The following EBF3 variants were observed in gnomAD, a reference collection of about 807,000 sequenced individuals.
EBF3 encodes the protein EBF transcription factor 3, also known as transcription factor COE3.
A neutral mutation model predicts 77.1 loss-of-function variants in EBF3; 18 were observed. The ratio of observed to expected loss-of-function variants is 0.23; its 90% CI spans 0.16 to 0.35. The LOEUF (loss-of-function observed/expected upper bound fraction) is 0.35. Among genes scored for constraint, EBF3 ranks in the 10% least tolerant of loss-of-function variants. EBF3 has a pLI of 1.00. For synonymous variants in EBF3, 350 were observed against 343.5 expected (o/e 1.02, Z -0.21); for missense variants, 558 against 860.0 (o/e 0.65, Z 4.39).
intron 6 of EBF3, among the ~76,000 whole-genome samples, chr10:129,909,784 C>T (rs1388192252): frequency 6.6e-6 from 1 of 152,248 alleles, no homozygotes; most frequent in African/African-American, 2.4e-5. Flanking sequence ...CCCCCCAGAA[C>T]AGCAGCGCCC....
rs1186234663 is a variant in EBF3 at position 129,879,398 on chromosome 10, G to A, written c.555-1549C>T. ...ATTAATTTTTGATGAAGTTTCACATGATTTTCTTACGTTCAAGGTTCCTCG... is the reference window on the plus strand; with the variant it reads ...ATTAATTTTTGATGAAGTTTCACATAATTTTCTTACGTTCAAGGTTCCTCG... On this transcript the variant is annotated intron_variant, in intron 6 of 16. Transcript: ENST00000440978. The surrounding 1 kb of genome is among the most constrained non-coding windows in gnomAD (Gnocchi z 4.7). Among the ~76,000 whole-genome samples the A allele has an allele frequency of 1.3e-5, 2 of 152,156 alleles. No homozygotes were observed. Among genetic ancestry groups the A allele is most frequent in the Non-Finnish European group, 2.9e-5 (2 of 68,034 alleles).
chr10:129,948,477 T>C (rs1367726720), intron 6 of EBF3, among the ~76,000 whole-genome samples: 1 of 152,066 alleles, frequency 6.6e-6, no homozygotes, highest in African/African-American at 2.4e-5. Context: ...CGTGCCACGA[T>C]GCGTTTGCCA....
chr10:129,949,404 G>C (rs1858489913), intron 6 of EBF3, among the ~76,000 whole-genome samples: 1 of 152,234 alleles, frequency 6.6e-6, no homozygotes, highest in South Asian at 2.1e-4. Flanking sequence ...CCAGGCTCCA[G>C]TGCCAAGAAG....
At chr10:129,851,587 T>C (rs954131619) in intron 10 of EBF3, among the ~76,000 whole-genome samples, 3 of 152,226 alleles carry the variant, frequency 2.0e-5, no homozygotes, top group Non-Finnish European at 4.4e-5. Context: ...CCCAACTTTC[T>C]GCATGGAATT....
At chr10:129,884,915 C>T (rs943304720) in intron 6 of EBF3, among the ~76,000 whole-genome samples, 6 of 152,256 alleles carry the variant, frequency 3.9e-5, no homozygotes, top group African/African-American at 9.6e-5. Context: ...GTAACCACAC[C>T]GCATTAACAA....
chr10:129,837,986 T>G, intron 16 of EBF3, 26 bp from the exon 17 acceptor site: 1 of 1,613,876 alleles, frequency 6.2e-7, no homozygotes, highest in African/African-American at 1.3e-5. Context: ...ACAGAGCAGT[T>G]ACTGCAGGCT....
rs572580965 is a variant in EBF3 at position 129,869,633 on chromosome 10, G to A, written c.782-1721C>T. Among the ~76,000 whole-genome samples the A allele has an allele frequency of 2.0e-4, 31 of 152,318 alleles. No individual in the cohort carries two copies. In the South Asian group the frequency reaches 5.2e-3, roughly 25 times the overall value. ...GTTTCCCTGACAGGTCAGAGGCAGC[G>A]CCGTGCAGACACTGTCTAGTTAATC... On this transcript the variant is annotated intron_variant, in intron 8 of 16. Coordinates refer to ENST00000440978, the MANE Select transcript of EBF3 (RefSeq NM_001375380.1).
At chr10:129,902,311 C>A (rs561319268) in intron 6 of EBF3, among the ~76,000 whole-genome samples, 10 of 151,608 alleles carry the variant, frequency 6.6e-5, no homozygotes, top group Non-Finnish European at 1.3e-4. Flanking sequence ...CCTAACTCCA[C>A]GGCAAGGAAA....
intron 7 of EBF3, among the ~76,000 whole-genome samples, chr10:129,876,286 A>C (rs969661626): frequency 5.4e-4 from 83 of 152,326 alleles, no homozygotes; most frequent in African/African-American, 1.9e-3. Flanking sequence ...AGTTCTAGTA[A>C]CTACGGGGTC....
chr10:129,897,789 C>T lies in EBF3; in HGVS notation c.555-19940G>A, dbSNP rs190183148. ...CTTGAAATGACATCTTACTTTCCTA[C>T]ATTTATCGTGACGGGGCCACTTGTG... On this transcript the variant is annotated intron_variant, in intron 6 of 16. Coordinates refer to ENST00000440978, the MANE Select transcript of EBF3 (RefSeq NM_001375380.1). This position sits in a 1 kb window ranked among gnomAD's most constrained non-coding sequence, Gnocchi z 4.6. Among the ~76,000 whole-genome samples, 14 of 152,292 alleles carry T rather than the reference C, an allele frequency of 9.2e-5. No individual in the cohort carries two copies. Among genetic ancestry groups the T allele is most frequent in the African/African-American group, 3.4e-4 (14 of 41,562 alleles).
At chr10:129,875,773 A>T (rs1163445312) in intron 7 of EBF3, among the ~76,000 whole-genome samples, 1 of 152,118 alleles carries the variant, frequency 6.6e-6, no homozygotes, top group Admixed American at 6.5e-5. Flanking sequence ...CCCTGGTGGG[A>T]GGTGGCTTTG....
At chr10:129,860,140 C>T (rs1328648957) in intron 10 of EBF3, among the ~76,000 whole-genome samples, 1 of 152,130 alleles carries the variant, frequency 6.6e-6, no homozygotes, top group Non-Finnish European at 1.5e-5. Context: ...TGCTCTTCTC[C>T]CACAGTCCCA....
chr10:129,940,824 C>T (rs1481597852), intron 6 of EBF3, among the ~76,000 whole-genome samples: 3 of 152,138 alleles, frequency 2.0e-5, no homozygotes, highest in African/African-American at 2.4e-5. Flanking sequence ...CAGAGGGCAC[C>T]GCCCACCCCG....
chr10:129,956,494 C>A (rs967201713), intron 6 of EBF3, among the ~76,000 whole-genome samples: 1 of 152,092 alleles, frequency 6.6e-6, no homozygotes. Context: ...GAGGGCTGGG[C>A]GAGGAGGGTG....
chr10:129,845,177 C>G (rs1310604303), intron 11 of EBF3, among the ~76,000 whole-genome samples: 1 of 152,198 alleles, frequency 6.6e-6, no homozygotes, highest in Non-Finnish European at 1.5e-5. Context: ...ATCAGAGAGA[C>G]ACAAAACGGG....
At chr10:129,926,653 G>T (rs1053667589) in intron 6 of EBF3, among the ~76,000 whole-genome samples, 2 of 152,096 alleles carry the variant, frequency 1.3e-5, no homozygotes, top group Non-Finnish European at 2.9e-5. Flanking sequence ...AGGGCGGCTG[G>T]GACAGGCTTA....
intron 10 of EBF3, among the ~76,000 whole-genome samples, chr10:129,859,130 G>A (rs780612414): frequency 6.6e-6 from 1 of 152,232 alleles, no homozygotes; most frequent in African/African-American, 2.4e-5. Context: ...GTAGCAAACA[G>A]TCCACATCGC....
chr10:129,921,659 TC>T (rs1856320048), intron 6 of EBF3, among the ~76,000 whole-genome samples: 1 of 152,148 alleles, frequency 6.6e-6, no homozygotes, highest in African/African-American at 2.4e-5. Flanking sequence ...GAGGAGGATG[TC>T]TGCGTGAAGA....
intron 8 of EBF3, among the ~76,000 whole-genome samples, chr10:129,868,608 C>T (rs917631940): frequency 6.9e-6 from 1 of 145,724 alleles, no homozygotes; most frequent in Non-Finnish European, 1.5e-5. Context: ...CCTGCTGGGG[C>T]GGGAGGGGTT....
Sources: allele counts gnomAD v4.1 joint callset (sites outside exome capture counted in the v4.1 genomes callset), GRCh38; gene constraint gnomAD v4.1.1; non-coding constraint Gnocchi (gnomAD v3.1); transcripts MANE v1.5; gene names NCBI Gene and HGNC (gene_info 2026-07-23, HGNC 2026-07-21).